EEF2K: variants seen among roughly 807,000 people sequenced by gnomAD.
EEF2K encodes eukaryotic elongation factor 2 kinase.
A neutral mutation model predicts 93.8 loss-of-function variants in EEF2K; 70 were observed. The ratio of observed to expected loss-of-function variants is 0.75; its 90% CI spans 0.62 to 0.91. The LOEUF is 0.91. Ranked by LOEUF, EEF2K falls within the 40% of genes least tolerant of loss-of-function variation. EEF2K has a pLI of 0.00. For missense variants in EEF2K, 935 were observed against 972.9 expected, an observed-to-expected ratio of 0.96 and a Z score of 0.52; for synonymous variants, 376 against 380.8, an observed-to-expected ratio of 0.99 and a Z score of 0.15.
At chr16:22,269,686 G>A (rs1188994260) in intron 15 of EEF2K, among the ~76,000 whole-genome samples, 1 of 152,128 alleles carries the variant, frequency 6.6e-6, no homozygotes, top group Non-Finnish European at 1.5e-5. Context: ...ACAGGCATAA[G>A]CCACAGTGCC....
chr16:22,224,358 A>C (rs1341070943), intron 1 of EEF2K, among the ~76,000 whole-genome samples: 3 of 151,126 alleles, frequency 2.0e-5, no homozygotes, highest in Non-Finnish European at 4.4e-5. Context: ...CACAATGAAG[A>C]AATGAAGCAT....
intron 3 of EEF2K, among the ~76,000 whole-genome samples, chr16:22,247,519 GA>G (rs951369480): frequency 2.0e-5 from 3 of 151,796 alleles, no homozygotes; most frequent in African/African-American, 7.3e-5. Flanking sequence ...ATTATGGAAT[GA>G]GACCCTCATT....
chr16:22,244,736 C>T lies in EEF2K; in HGVS notation c.347+6C>T, dbSNP rs2047268535. The T allele has an allele frequency of 6.2e-7, 1 of 1,613,728 alleles. No homozygotes were observed. Reference sequence around the variant, plus strand: ...GAACGTGCTACTCGACACAGGTCAGCAGCTTGTGTGGGGTCTCGAGGAGTC... The same window carrying T: ...GAACGTGCTACTCGACACAGGTCAGTAGCTTGTGTGGGGTCTCGAGGAGTC... On this transcript the variant is annotated splice_donor_region_variant and intron_variant, in intron 3 of 17. Transcript: ENST00000263026.
intron 10 of EEF2K, among the ~76,000 whole-genome samples, chr16:22,259,856 G>A (rs546864018): frequency 3.9e-5 from 6 of 152,010 alleles, no homozygotes; most frequent in East Asian, 1.9e-4. Context: ...GGGTTCAAGC[G>A]ATTCTCCTGC....
chr16:22,232,839 C>T (rs1478113665), intron 2 of EEF2K, among the ~76,000 whole-genome samples: 1 of 151,178 alleles, frequency 6.6e-6, no homozygotes, highest in Non-Finnish European at 1.5e-5. Flanking sequence ...AACAGCTCAG[C>T]TTTCCAACCT....
intron 3 of EEF2K, among the ~76,000 whole-genome samples, chr16:22,246,343 G>A (rs2047290960): frequency 6.6e-6 from 1 of 151,752 alleles, no homozygotes; most frequent in Non-Finnish European, 1.5e-5. Flanking sequence ...CCAACATGGT[G>A]AAACCCCATC....
chr16:22,244,526 T>C (rs1040642396), intron 2 of EEF2K, 104 bp from the exon 3 acceptor site: 2 of 1,075,592 alleles, frequency 1.9e-6, no homozygotes, highest in East Asian at 2.4e-5. Flanking sequence ...GTCCTGATAC[T>C]GTCTGCCTCT....
intron 10 of EEF2K, 50 bp from the exon 11 acceptor site, chr16:22,260,412 C>T (rs2047450620): frequency 6.2e-7 from 1 of 1,608,510 alleles, no homozygotes; most frequent in African/African-American, 1.3e-5. Context: ...TGGTCTTATG[C>T]ATGTTCCAGT....
At chr16:22,219,616 A>G (rs2046992795) in intron 1 of EEF2K, among the ~76,000 whole-genome samples, 2 of 152,234 alleles carry the variant, frequency 1.3e-5, no homozygotes, top group African/African-American at 4.8e-5. Flanking sequence ...CAGCAGAACA[A>G]GACCCTTTCT....
intron 2 of EEF2K, among the ~76,000 whole-genome samples, chr16:22,227,290 C>A (rs1304532314): frequency 6.6e-6 from 1 of 151,308 alleles, no homozygotes; most frequent in East Asian, 1.9e-4. Context: ...GTGGTGGGAT[C>A]TCGGCTCACT....
chr16:22,207,750 C>G (rs930929), intron 1 of EEF2K, among the ~76,000 whole-genome samples: 12,919 of 152,076 alleles, frequency 0.085, 850 homozygotes, highest in East Asian at 0.28. Flanking sequence ...CACAGAAGCT[C>G]CCTAAGAGGA....
In EEF2K at chr16:22,257,261, C is replaced by T. The variant is rs763612870; in HGVS notation, c.777C>T (p.Ser259=). 6.2e-7 allele frequency: 1 copy of T among 1,614,160 alleles called. No individual in the cohort carries two copies. The highest frequency in any genetic ancestry group is 1.1e-5 in the South Asian group (1 of 91,082). ...CTTCCTGTCCCCTGTAGGCCTTCAG[C>T]CACTTCACTTTTGAGCGTTCCGGCC... The part of the protein sequence containing the change: ...DNIRLTPQAF[S]HFTFERSGHQ... Residue 259 remains serine (S), a synonymous_variant, in exon 8 of 18, where the codon AGC becomes AGT. Coordinates refer to ENST00000263026, the MANE Select transcript of EEF2K (RefSeq NM_013302.5).
At chr16:22,238,475 T>C (rs1214399525) in intron 2 of EEF2K, among the ~76,000 whole-genome samples, 5 of 151,800 alleles carry the variant, frequency 3.3e-5, no homozygotes. Context: ...CTGTCATCTC[T>C]ACACACACAC....
intron 16 of EEF2K, among the ~76,000 whole-genome samples, chr16:22,277,250 C>T (rs1456985868): frequency 6.6e-6 from 1 of 152,148 alleles, no homozygotes; most frequent in Admixed American, 6.6e-5. Flanking sequence ...TATCCTCCCG[C>T]CTCAGCCTCT....
chr16:22,276,615 G>A (rs913009318), intron 16 of EEF2K, among the ~76,000 whole-genome samples: 2 of 152,142 alleles, frequency 1.3e-5, no homozygotes, highest in Admixed American at 6.6e-5. Context: ...GGACGCCCTC[G>A]CCAATGGGAT....
At chr16:22,258,751 G>A (rs1292694478) in intron 10 of EEF2K, 56 bp downstream of exon 10, 1 of 1,592,340 alleles carries the variant, frequency 6.3e-7, no homozygotes, top group African/African-American at 1.3e-5. Context: ...GTGGAGCAGA[G>A]CTAAACCAGC....
At chr16:22,223,436 G>T (rs766013016) in intron 1 of EEF2K, among the ~76,000 whole-genome samples, 1 of 151,964 alleles carries the variant, frequency 6.6e-6, no homozygotes, top group Non-Finnish European at 1.5e-5. Flanking sequence ...GCACCACCAC[G>T]CCTGGCTACC....
intron 5 of EEF2K, 119 bp from the exon 6 acceptor site, chr16:22,251,032 G>T: frequency 7.8e-7 from 1 of 1,284,186 alleles, no homozygotes. Flanking sequence ...CCTGCATTTT[G>T]TTCCTGCTGC....
chr16:22,220,048 G>A (rs928065798), intron 1 of EEF2K, among the ~76,000 whole-genome samples: 3 of 152,214 alleles, frequency 2.0e-5, no homozygotes, highest in African/African-American at 7.2e-5. Flanking sequence ...CTGCAAAGGA[G>A]TCTGGGAAAT....
Sources: allele counts gnomAD v4.1 joint callset (sites outside exome capture counted in the v4.1 genomes callset), GRCh38; gene constraint gnomAD v4.1.1; transcripts MANE v1.5; gene names NCBI Gene and HGNC (gene_info 2026-07-23, HGNC 2026-07-21).